Variants in CASK observed in about 807,000 individuals in gnomAD.
CASK encodes the protein calcium/calmodulin dependent serine protein kinase, also known as peripheral plasma membrane protein CASK.
Under a neutral mutation model 82.9 loss-of-function variants are expected in CASK, and 4 were observed. That is an observed-to-expected ratio of 0.05 (90% confidence interval 0.02 to 0.11). The LOEUF is 0.11. CASK is among the 10% of genes least tolerant of loss of function. The pLI is 1.00. For missense variants in CASK, 358 were observed against 720.9 expected, an observed-to-expected ratio of 0.50 and a Z score of 5.76; for synonymous variants, 259 against 253.5, an observed-to-expected ratio of 1.02 and a Z score of -0.20.
intron 25 of CASK, 31 bp from the exon 26 acceptor site, chrX:41,524,065 C>T: frequency 3.1e-6 from 3 of 953,186 alleles, no homozygotes; most frequent in Middle Eastern, 5.3e-4. Context: ...AAAATCCCGA[C>T]TTAAAAGAAG....
chrX:41,583,439 A>T (rs1377100589), intron 14 of CASK, among the ~76,000 whole-genome samples: 2 of 110,268 alleles, frequency 1.8e-5, no homozygotes, highest in Non-Finnish European at 3.8e-5. Flanking sequence ...GTCCAAATTC[A>T]TTTTTTATTT....
intron 11 of CASK, among the ~76,000 whole-genome samples, chrX:41,614,177 C>T (rs2066155544): frequency 1.8e-5 from 2 of 111,084 alleles, no homozygotes; most frequent in Non-Finnish European, 3.8e-5. Flanking sequence ...ATCCCTCATA[C>T]TGCCTTTTTA....
intron 1 of CASK, among the ~76,000 whole-genome samples, chrX:41,916,666 G>GT (rs2072695553): frequency 8.9e-6 from 1 of 112,087 alleles, no homozygotes; most frequent in East Asian, 2.8e-4. Flanking sequence ...TCACTACACG[G>GT]TTTTCAGAAT....
chrX:41,817,735 A>G (rs996149231), intron 2 of CASK, among the ~76,000 whole-genome samples: 1 of 111,258 alleles, frequency 9.0e-6, no homozygotes, highest in African/African-American at 3.3e-5. Flanking sequence ...AGTTGTATTT[A>G]TATATTCCAG....
At chrX:41,741,615 C>T (rs1375110297) in intron 4 of CASK, among the ~76,000 whole-genome samples, 1 of 111,942 alleles carries the variant, frequency 8.9e-6, no homozygotes, top group East Asian at 2.8e-4. Context: ...CACTCAATTA[C>T]TTGACCCAAA....
chrX:41,915,683 C>T (rs769077896), intron 1 of CASK, among the ~76,000 whole-genome samples: 3 of 109,541 alleles, frequency 2.7e-5, no homozygotes, highest in East Asian at 2.9e-4. Flanking sequence ...GGTGAAACCC[C>T]GTCTCTACTA....
intron 5 of CASK, chrX:41,728,047 G>A (rs1358753774): frequency 2.0e-6 from 2 of 1,012,362 alleles, no homozygotes; most frequent in Non-Finnish European, 2.6e-6. Flanking sequence ...ACTTTTGAAT[G>A]GAAAACCCCA....
chrX:41,597,295 A>G (rs1469209337), intron 12 of CASK, among the ~76,000 whole-genome samples: 2 of 112,484 alleles, frequency 1.8e-5, no homozygotes, highest in Non-Finnish European at 3.8e-5. Context: ...AACTTTTGCA[A>G]CTATACTGTA....
intron 21 of CASK, among the ~76,000 whole-genome samples, chrX:41,550,878 T>C (rs1024584508): frequency 5.4e-5 from 6 of 111,726 alleles, no homozygotes; most frequent in African/African-American, 2.0e-4. Flanking sequence ...GCCATTGCAC[T>C]CCAGCCTGGG....
intron 1 of CASK, among the ~76,000 whole-genome samples, chrX:41,915,907 G>A (rs191358226): frequency 1.2e-3 from 132 of 111,707 alleles, no homozygotes; most frequent in African/African-American, 4.1e-3. Flanking sequence ...AGAATGGCGT[G>A]AACCTGGGAG....
intron 14 of CASK, among the ~76,000 whole-genome samples, chrX:41,582,081 A>G (rs1419196570): frequency 2.7e-5 from 3 of 111,077 alleles, no homozygotes; most frequent in African/African-American, 9.8e-5. Context: ...CAGAAACCCC[A>G]TCTGCCCATG....
chrX:41,552,093 AT>A (rs1218077716), intron 21 of CASK, among the ~76,000 whole-genome samples: 1,651 of 91,878 alleles, frequency 0.018, 18 homozygotes, highest in African/African-American at 0.041. Flanking sequence ...CACCTGGCTA[AT>A]TTTTTTTTTT....
At chrX:41,696,675 G>C (rs1220966344) in intron 5 of CASK, 2 of 1,208,756 alleles carry the variant, frequency 1.7e-6, no homozygotes, top group East Asian at 5.9e-5. Context: ...ACGATTTCAA[G>C]GTGAACCAAG....
rs961140913 is a variant in CASK, at chrX:41,713,457, T to C, written c.429+25927A>G. Among the ~76,000 whole-genome samples, 5 of 112,444 alleles carry C rather than the reference T, an allele frequency of 4.4e-5. No individual in the cohort carries two copies. In the Admixed American group the frequency reaches 4.7e-4, roughly 11 times the overall value. On this transcript the variant is annotated intron_variant, in intron 5 of 26. Coordinates refer to ENST00000378163, the MANE Select transcript of CASK (RefSeq NM_001367721.1). ...TTTCACCTATAAATGCCAAGTGGTG[T>C]ACCCTGAAGCAGCAGCTCATTTGCT...
At chrX:41,768,621 G>T (rs745505426) in intron 3 of CASK, among the ~76,000 whole-genome samples, 1 of 111,351 alleles carries the variant, frequency 9.0e-6, no homozygotes, top group African/African-American at 3.3e-5. Flanking sequence ...AAAACAGGCA[G>T]ATTTGGGGAA....
At chrX:41,611,279 A>G (rs1029851951) in intron 11 of CASK, among the ~76,000 whole-genome samples, 1 of 111,321 alleles carries the variant, frequency 9.0e-6, no homozygotes, top group Non-Finnish European at 1.9e-5. Context: ...GACCTTATCC[A>G]TTCTCATGCA....
chrX:41,521,976 A>C (rs775412013), intron 26 of CASK, among the ~76,000 whole-genome samples: 1 of 111,824 alleles, frequency 8.9e-6, no homozygotes, highest in Non-Finnish European at 1.9e-5. Context: ...TAAATCTAAA[A>C]TCAAGAGACT....
chrX:41,603,842 A>G lies in CASK; in HGVS notation c.1155+6062T>C, dbSNP rs1012050909. ...GTTTGGCAGAGAGATGTGTCATTTA[A>G]CAATGTTTTGTAACACTGGTGATTT... is the stretch of plus-strand genomic sequence containing the variant. On this transcript the variant is annotated intron_variant, in intron 12 of 26. Coordinates refer to ENST00000378163, the MANE Select transcript of CASK (RefSeq NM_001367721.1). 2.7e-5 allele frequency among the ~76,000 whole-genome samples: 3 copies of G among 112,275 alleles called. No homozygotes were observed. The East Asian group carries it at 8.4e-4, about 31-fold the overall frequency.
At chrX:41,707,730 C>T (rs1049391461) in intron 5 of CASK, among the ~76,000 whole-genome samples, 4 of 111,273 alleles carry the variant, frequency 3.6e-5, no homozygotes, top group African/African-American at 1.3e-4. Flanking sequence ...ATGTACCTTC[C>T]AAACCAATGA....
Sources: allele counts gnomAD v4.1 joint callset (sites outside exome capture counted in the v4.1 genomes callset), GRCh38; gene constraint gnomAD v4.1.1; transcripts MANE v1.5; gene names NCBI Gene and HGNC (gene_info 2026-07-23, HGNC 2026-07-21).